The following ZSWIM6 variants were observed in gnomAD, a reference collection of about 807,000 sequenced individuals.
The protein encoded by ZSWIM6 is zinc finger SWIM domain-containing protein 6.
Under a neutral mutation model 113.2 loss-of-function variants are expected in ZSWIM6, and 9 were observed. The observed-to-expected ratio is 0.08, with a 90% confidence interval of 0.05 to 0.14. ZSWIM6 has a LOEUF of 0.14. ZSWIM6 is among the 10% of genes least tolerant of loss of function. The probability of loss-of-function intolerance (pLI) is 1.00; values close to 1 mark genes in which losing one functional copy is unlikely to be tolerated. For missense variants in ZSWIM6, 1,162 were observed against 1,552.2 expected, an observed-to-expected ratio of 0.75 and a Z score of 4.22; for synonymous variants, 611 against 606.5, an observed-to-expected ratio of 1.01 and a Z score of -0.11.
At chr5:61,401,526 A>G (rs2112103559) in intron 1 of ZSWIM6, among the ~76,000 whole-genome samples, 1 of 152,270 alleles carries the variant, frequency 6.6e-6, no homozygotes, top group African/African-American at 2.4e-5. Flanking sequence ...AAAATATCTC[A>G]TATATTATGA....
At chr5:61,457,256 A>G (rs1171271615) in intron 1 of ZSWIM6, among the ~76,000 whole-genome samples, 1 of 152,196 alleles carries the variant, frequency 6.6e-6, no homozygotes, top group Non-Finnish European at 1.5e-5. Context: ...TGCCAAAGAA[A>G]TTAGTTTGAA....
chr5:61,399,070 A>AT (rs1745896766), intron 1 of ZSWIM6, among the ~76,000 whole-genome samples: 1 of 151,098 alleles, frequency 6.6e-6, no homozygotes, highest in African/African-American at 2.4e-5. Context: ...CTACAGACGC[A>AT]TGCCACCATG....
chr5:61,483,878 AAAATAAAT>A (rs921498998), intron 2 of ZSWIM6, among the ~76,000 whole-genome samples: 1 of 150,956 alleles, frequency 6.6e-6, no homozygotes, highest in Non-Finnish European at 1.5e-5. Flanking sequence ...CTCTGTCTCA[AAAATAAAT>A]AAATAAATAA....
intron 2 of ZSWIM6, among the ~76,000 whole-genome samples, chr5:61,479,599 C>T (rs1561254828): frequency 6.6e-6 from 1 of 152,298 alleles, no homozygotes; most frequent in East Asian, 1.9e-4. Context: ...CCATCTCCCC[C>T]ACAATGGCGT....
At chr5:61,497,843 T>A (rs1748363443) in intron 4 of ZSWIM6, among the ~76,000 whole-genome samples, 3 of 152,230 alleles carry the variant, frequency 2.0e-5, no homozygotes, top group Admixed American at 2.0e-4. Context: ...ACACACCTCT[T>A]GAATTACATT....
At chr5:61,408,077 C>T (rs1259952765) in intron 1 of ZSWIM6, among the ~76,000 whole-genome samples, 4 of 151,944 alleles carry the variant, frequency 2.6e-5, no homozygotes, top group Non-Finnish European at 5.9e-5. Context: ...TGGGAAATTA[C>T]CTAAATGCTC....
At chr5:61,364,588 TAA>T (rs1745112894) in intron 1 of ZSWIM6, among the ~76,000 whole-genome samples, 1 of 152,208 alleles carries the variant, frequency 6.6e-6, no homozygotes, top group South Asian at 2.1e-4. Flanking sequence ...CAAGATACCA[TAA>T]ACTGGATGGC....
chr5:61,398,403 T>C (rs908228315), intron 1 of ZSWIM6, among the ~76,000 whole-genome samples: 7 of 152,162 alleles, frequency 4.6e-5, no homozygotes, highest in Admixed American at 2.0e-4. Flanking sequence ...CTACCCCTAG[T>C]TCATGGAAAA....
chr5:61,468,226 C>T (rs1193610374), intron 1 of ZSWIM6, among the ~76,000 whole-genome samples: 2 of 152,102 alleles, frequency 1.3e-5, no homozygotes, highest in East Asian at 3.9e-4. Context: ...AAAGTCTATT[C>T]CCAAGGACTA....
intron 1 of ZSWIM6, among the ~76,000 whole-genome samples, chr5:61,400,634 C>T (rs1276991423): frequency 6.6e-6 from 1 of 152,178 alleles, no homozygotes; most frequent in East Asian, 1.9e-4. Context: ...TGACCCTTGG[C>T]AGTGCTTTAT....
Position 61,442,051 on chromosome 5 carries a change from G to A in ZSWIM6, c.677-30630G>A, listed in dbSNP as rs1283318269. ...CATGTGTGGGAAAATAGGAATTAGCGAGGGGTAAGGAAGAGGAGTTGGTCA... is the reference window on the plus strand; with the variant it reads ...CATGTGTGGGAAAATAGGAATTAGCAAGGGGTAAGGAAGAGGAGTTGGTCA... On this transcript the variant is annotated intron_variant, in intron 1 of 13. Transcript: ENST00000252744. 2.6e-5 allele frequency among the ~76,000 whole-genome samples: 4 copies of A among 152,266 alleles called. No homozygotes were observed. The East Asian group carries it at 5.8e-4, about 22-fold the overall frequency.
chr5:61,350,832 AC>A (rs1352929238), intron 1 of ZSWIM6, among the ~76,000 whole-genome samples: 1 of 152,054 alleles, frequency 6.6e-6, no homozygotes, highest in Non-Finnish European at 1.5e-5. Context: ...TATCTTTATC[AC>A]CTCTGTCGTA....
chr5:61,403,733 G>A lies in ZSWIM6; in HGVS notation c.677-68948G>A, dbSNP rs190765985. ...AAAATAATGTATGCTTAGACTCTGC[G>A]TGTGAGTGGAAACCTTTTTTGGCCA... On this transcript the variant is annotated intron_variant, in intron 1 of 13. Coordinates refer to ENST00000252744, the MANE Select transcript of ZSWIM6 (RefSeq NM_020928.2). Among the ~76,000 whole-genome samples, 62 of 152,338 alleles carry A rather than the reference G, an allele frequency of 4.1e-4. 3 individuals are homozygous for A. The Middle Eastern group carries it at 0.031, about 75-fold the overall frequency.
chr5:61,506,217 T>A (rs1040342925), intron 4 of ZSWIM6, among the ~76,000 whole-genome samples: 4 of 152,166 alleles, frequency 2.6e-5, no homozygotes, highest in Non-Finnish European at 5.9e-5. Flanking sequence ...TATTTTAAAA[T>A]TTTCCTAGAA....
intron 1 of ZSWIM6, among the ~76,000 whole-genome samples, chr5:61,380,617 C>G (rs1232807331): frequency 6.6e-6 from 1 of 152,108 alleles, no homozygotes; most frequent in Non-Finnish European, 1.5e-5. Flanking sequence ...GTAGGAAATG[C>G]TGATCCAGGT....
intron 1 of ZSWIM6, among the ~76,000 whole-genome samples, chr5:61,353,544 C>G (rs2112042520): frequency 6.6e-6 from 1 of 152,258 alleles, no homozygotes; most frequent in South Asian, 2.1e-4. Context: ...GTCTGTGATA[C>G]CATTCAAATA....
intron 4 of ZSWIM6, among the ~76,000 whole-genome samples, chr5:61,518,516 G>C (rs1749023697): frequency 6.6e-6 from 1 of 152,088 alleles, no homozygotes. Context: ...TTGTGGTTTT[G>C]ATTTGCATTT....
chr5:61,356,828 ATATT>A (rs1275523569), intron 1 of ZSWIM6, among the ~76,000 whole-genome samples: 2 of 143,942 alleles, frequency 1.4e-5, no homozygotes, highest in African/African-American at 5.1e-5. Context: ...TAAAAAATAT[ATATT>A]TTATATATAA....
In ZSWIM6 at chr5:61,525,816, A is replaced by C. The variant is rs1202280468; in HGVS notation, c.1530A>C (p.Pro510=). The C allele has an allele frequency of 1.1e-5, 17 of 1,551,740 alleles. No homozygotes were observed. Among genetic ancestry groups the C allele is most frequent in the Non-Finnish European group, 1.5e-5 (17 of 1,146,966 alleles). ...ANANQDSSNR[P]HRTVFTRAIE... ...AAAAAACAGATTCATCGAACAGGCC[A>C]CATCGGACAGTGTTCACCCGAGCCA... Residue 510 remains proline (P), a synonymous_variant, in exon 6 of 14, where the codon CCA becomes CCC. Coordinates refer to ENST00000252744, the MANE Select transcript of ZSWIM6 (RefSeq NM_020928.2).
Sources: allele counts gnomAD v4.1 joint callset (sites outside exome capture counted in the v4.1 genomes callset), GRCh38; gene constraint gnomAD v4.1.1; transcripts MANE v1.5; gene names NCBI Gene and HGNC (gene_info 2026-07-23, HGNC 2026-07-21).